C1orf167: variants seen among roughly 807,000 people sequenced by gnomAD.
C1orf167 encodes the protein chromosome 1 open reading frame 167, also known as uncharacterized protein C1orf167.
In C1orf167, 153 loss-of-function variants were observed where a neutral mutation model predicts 176.5. The observed-to-expected ratio is 0.87, with a 90% CI of 0.76 to 0.99. The LOEUF is 0.99. C1orf167 is among the 50% of genes least tolerant of loss of function. The pLI is 0.00. For missense variants in C1orf167, 1,490 were observed against 1,817.7 expected, an observed-to-expected ratio of 0.82 and a Z score of 3.28; for synonymous variants, 594 against 752.7, an observed-to-expected ratio of 0.79 and a Z score of 3.45.
Position 11,762,275 on chromosome 1 carries a change from G to A in C1orf167, c.-101G>A, listed in dbSNP as rs759357146. 3 of 414,994 alleles carry A rather than the reference G, an allele frequency of 7.2e-6. No homozygotes were observed. Among genetic ancestry groups the A allele is most frequent in the Non-Finnish European group, 1.5e-5 (3 of 203,896 alleles). 25.7% of individuals were successfully genotyped at this position (414,994 alleles called of 1,614,324 possible). A position where few individuals can be genotyped will look rare whatever the true frequency, so the allele number is the denominator to read the frequency against. On this transcript the variant is annotated 5_prime_UTR_variant, in exon 1 of 21. It adds an upstream start codon to the 5' untranslated region. Transcript: ENST00000688073. The stretch of plus-strand genomic sequence containing the variant: ...CCCGTCTAGATTCAAATCCGACTGG[G>A]TGAAGGAGGACCCGAGGAGGACCCA...
chr1:11,784,494 AG>A lies in C1orf167; in HGVS notation c.3328del (p.Ala1110GlnfsTer35), dbSNP rs746891429. ...QQQAGESAGA[Q>X]AAQCWTWCWA... Reference sequence around the variant, plus strand: ...CAGGCAGGAGAGAGCGCTGGGGCCCAGGCAGCCCAGTGCTGGACTTGGTGCT... The same window carrying A: ...CAGGCAGGAGAGAGCGCTGGGGCCCAGCAGCCCAGTGCTGGACTTGGTGCT... On this transcript the variant is annotated frameshift_variant, in exon 15 of 21. Transcript: ENST00000688073. LOFTEE classifies it high-confidence loss of function. 1.5e-6 allele frequency: 2 copies of A among 1,303,102 alleles called. No homozygotes were observed. Among genetic ancestry groups the A allele is most frequent in the South Asian group, 2.5e-5 (2 of 80,960 alleles). 80.7% of individuals were successfully genotyped at this position (1,303,102 alleles called of 1,614,324 possible). A position where few individuals can be genotyped will look rare whatever the true frequency, so the allele number is the denominator to read the frequency against.
chr1:11,781,368 A>T (rs920372607), intron 13 of C1orf167, among the ~76,000 whole-genome samples: 2 of 152,184 alleles, frequency 1.3e-5, no homozygotes, highest in African/African-American at 4.8e-5. Context: ...TGTCTGTTAA[A>T]AGCAAATTAG....
chr1:11,766,893 T>C lies in C1orf167; in HGVS notation c.1107T>C (p.Gly369=). The C allele has an allele frequency of 1.6e-6, 2 of 1,252,848 alleles. No individual in the cohort carries two copies. Among genetic ancestry groups the C allele is most frequent in the Non-Finnish European group, 2.1e-6 (2 of 969,004 alleles). The allele number at this position is 1,252,848 out of a possible 1,614,324, so 77.6% of individuals were successfully genotyped here. A position where few individuals can be genotyped will look rare whatever the true frequency, so the allele number is the denominator to read the frequency against. The stretch of plus-strand genomic sequence containing the variant: ...CTCAAGATGGCAGGGCACAGAGGGG[T>C]GACCCCAGTCTCCCTCGAGGGGTGG... ...PWSQDGRAQR[G]DPSLPRGVGS... The change falls in exon 3 of 21, where the codon GGT becomes GGC. Residue 369 remains glycine (G), a synonymous_variant. Coordinates refer to ENST00000688073, the MANE Select transcript of C1orf167 (RefSeq NM_001010881.2). This position sits in a 1 kb window ranked among gnomAD's most constrained non-coding sequence, Gnocchi z 4.5.
chr1:11,767,461 C>T (rs1174654741), intron 4 of C1orf167, among the ~76,000 whole-genome samples, 197 bp downstream of exon 4: 2 of 152,156 alleles, frequency 1.3e-5, no homozygotes, highest in Non-Finnish European at 2.9e-5. Flanking sequence ...AACGAAGGGA[C>T]TGATGCTCAT....
chr1:11,772,266 T>C lies in C1orf167; in HGVS notation c.1988+7T>C. On this transcript the variant is annotated splice_region_variant and intron_variant, in intron 8 of 20. Transcript: ENST00000688073. ...AGAGAGCTTGGCTGTGCAGGTAGGA[T>C]GCCCTTCCCTTTTTTTTGAGATGAG... 7.7e-7 allele frequency: 1 copy of C among 1,298,024 alleles called. No individual in the cohort carries two copies. Among genetic ancestry groups the C allele is most frequent in the Non-Finnish European group, 1.0e-6 (1 of 986,246 alleles). The allele number at this position is 1,298,024 out of a possible 1,614,324, so 80.4% of individuals were successfully genotyped here.
In C1orf167 at chr1:11,766,358, A is replaced by C. The variant is rs1304362003; in HGVS notation, c.572A>C (p.Asp191Ala). Residue 191 changes from aspartate to alanine, a missense_variant, in exon 3 of 21, where the codon GAT becomes GCT. Transcript: ENST00000688073. This position sits in a 1 kb window ranked among gnomAD's most constrained non-coding sequence, Gnocchi z 4.5. ...CCCACTGAAGCCTTTGCCCCTCTCG[A>C]TGGGCATACACAGCCAGGCCTCAGA... ...FRPTEAFAPL[D>A]GHTQPGLRSW... 2 of 1,272,068 alleles carry C rather than the reference A, an allele frequency of 1.6e-6. No homozygotes were observed. The highest frequency in any genetic ancestry group is 2.5e-5 in the Admixed American group (1 of 39,610). 78.8% of individuals were successfully genotyped at this position (1,272,068 alleles called of 1,614,324 possible). A position where few individuals can be genotyped will look rare whatever the true frequency, so the allele number is the denominator to read the frequency against.
In C1orf167 at chr1:11,776,496, G is replaced by T. The variant is rs75902420; in HGVS notation, c.2197G>T (p.Ala733Ser). The change falls in exon 10 of 21, where the codon GCC becomes TCC. Residue 733 changes from alanine to serine, a missense_variant. Coordinates refer to ENST00000688073, the MANE Select transcript of C1orf167 (RefSeq NM_001010881.2). ...GGCTGTCTACACCGCAGGCCCTGGA[G>T]CCTGTGGCCTGGGTGCAGTGGGCCA... ...REAVYTAGPG[A>S]CGLGAVGQAQ... is the part of the protein sequence containing the mutation. 1,362 of 1,301,722 alleles carry T rather than the reference G, an allele frequency of 1.0e-3. 16 individuals carry two copies. In the African/African-American group the frequency reaches 0.018, roughly 17 times the overall value. The allele number at this position is 1,301,722 out of a possible 1,614,324, so 80.6% of individuals were successfully genotyped here.
intron 1 of C1orf167, among the ~76,000 whole-genome samples, chr1:11,763,716 C>A (rs541939567): frequency 6.6e-6 from 1 of 152,096 alleles, no homozygotes; most frequent in Non-Finnish European, 1.5e-5. Flanking sequence ...ATCACCCTGC[C>A]GCCGCATGAA....
intron 2 of C1orf167, 70 bp downstream of exon 2, chr1:11,764,540 C>A: frequency 1.6e-6 from 2 of 1,233,070 alleles, no homozygotes; most frequent in Non-Finnish European, 2.1e-6. Context: ...GGCCCAGAGC[C>A]CCCCTCCCAG....
chr1:11,778,497 G>A, intron 10 of C1orf167, 163 bp from the exon 11 acceptor site: 1 of 509,212 alleles, frequency 2.0e-6, no homozygotes, highest in Non-Finnish European at 3.0e-6. Context: ...TGCAGCCGCT[G>A]TGGGGGGCAG....
In C1orf167 at chr1:11,775,526, C is replaced by T. The variant is rs1159723667; in HGVS notation, c.2080C>T (p.Leu694=). Residue 694 remains leucine, a synonymous_variant, in exon 9 of 21, where the codon CTG becomes TTG. Coordinates refer to ENST00000688073, the MANE Select transcript of C1orf167 (RefSeq NM_001010881.2). ...DRRTGTLRKC[L]EQWVRMKQLR... Reference sequence around the variant, plus strand: ...CCGGACGGGGACCCTGAGGAAATGCCTGGAACAGTGGGTGCGGATGAAGCA... The same window carrying T: ...CCGGACGGGGACCCTGAGGAAATGCTTGGAACAGTGGGTGCGGATGAAGCA... 7.7e-7 allele frequency: 1 copy of T among 1,304,244 alleles called. No individual in the cohort carries two copies. Among genetic ancestry groups the T allele is most frequent in the Non-Finnish European group, 1.0e-6 (1 of 988,938 alleles). 80.8% of individuals were successfully genotyped at this position (1,304,244 alleles called of 1,614,324 possible). A position where few individuals can be genotyped will look rare whatever the true frequency, so the allele number is the denominator to read the frequency against.
chr1:11,788,453 G>C, intron 19 of C1orf167, 75 bp downstream of exon 19: 1 of 1,225,842 alleles, frequency 8.2e-7, no homozygotes, highest in African/African-American at 1.6e-5. Context: ...CCTCTCAAAA[G>C]TATGGCCCTT....
intron 2 of C1orf167, among the ~76,000 whole-genome samples, chr1:11,764,777 G>A (rs905751201): frequency 2.0e-4 from 30 of 152,190 alleles, no homozygotes; most frequent in African/African-American, 7.0e-4. Context: ...ACAGAGGGCC[G>A]GGCGTGGTGG....
intron 3 of C1orf167, 40 bp from the exon 4 acceptor site, chr1:11,767,181 C>G: frequency 7.8e-7 from 1 of 1,289,104 alleles, no homozygotes; most frequent in South Asian, 1.2e-5. Flanking sequence ...CTGCCTGCTG[C>G]TTGGCCTGAG....
chr1:11,768,334 G>C lies in C1orf167; in HGVS notation c.1542+59G>C. ...GTGAAGCAGTGGTGTGTCTGGGGAG[G>C]AGACTCAGTCTACGGAGAGGACACC... On this transcript the variant is annotated intron_variant, in intron 5 of 20. Coordinates refer to ENST00000688073, the MANE Select transcript of C1orf167 (RefSeq NM_001010881.2). The surrounding 1 kb of genome is among the most constrained non-coding windows in gnomAD (Gnocchi z 4.5). The C allele has an allele frequency of 7.9e-7, 1 of 1,265,228 alleles. No individual in the cohort carries two copies. The highest frequency in any genetic ancestry group is 1.0e-6 in the Non-Finnish European group (1 of 969,476). 78.4% of individuals were successfully genotyped at this position (1,265,228 alleles called of 1,614,324 possible).
In C1orf167 at chr1:11,766,716, G is replaced by C; in HGVS notation, c.930G>C (p.Glu310Asp). The C allele has an allele frequency of 7.8e-7, 1 of 1,289,786 alleles. No homozygotes were observed. Among genetic ancestry groups the C allele is most frequent in the Non-Finnish European group, 1.0e-6 (1 of 988,862 alleles). 79.9% of individuals were successfully genotyped at this position (1,289,786 alleles called of 1,614,324 possible). A position where few individuals can be genotyped will look rare whatever the true frequency, so the allele number is the denominator to read the frequency against. The change falls in exon 3 of 21, where the codon GAG becomes GAC. Residue 310 changes from glutamate to aspartate, a missense_variant. Coordinates refer to ENST00000688073, the MANE Select transcript of C1orf167 (RefSeq NM_001010881.2). The surrounding 1 kb of genome is among the most constrained non-coding windows in gnomAD (Gnocchi z 4.5). The stretch of plus-strand genomic sequence containing the variant: ...ACAGGGAAACTGCGGCTTTCTTGGA[G>C]ACCCCGGCTAGTCTCTCAGACTCTT... ...RGHRETAAFLETPASLSDSWA... is the reference protein window; with the variant it reads ...RGHRETAAFLDTPASLSDSWA...
At chr1:11,770,065 A>G (rs1016997973) in intron 6 of C1orf167, among the ~76,000 whole-genome samples, 2 of 152,032 alleles carry the variant, frequency 1.3e-5, no homozygotes, top group African/African-American at 4.8e-5. Context: ...TGAAAGCTTC[A>G]TCCTTTCATA....
In C1orf167 at chr1:11,784,396, G is replaced by C; in HGVS notation, c.3228G>C (p.Gln1076His). The C allele has an allele frequency of 1.5e-6, 2 of 1,299,330 alleles. No individual in the cohort carries two copies. The highest frequency in any genetic ancestry group is 2.0e-6 in the Non-Finnish European group (2 of 984,804). The allele number at this position is 1,299,330 out of a possible 1,614,324, so 80.5% of individuals were successfully genotyped here. A position where few individuals can be genotyped will look rare whatever the true frequency, so the allele number is the denominator to read the frequency against. Reference protein sequence around the residue: ...CGQQGQEDGQQKKARAPQAFP... With the variant: ...CGQQGQEDGQHKKARAPQAFP... The stretch of plus-strand genomic sequence containing the variant: ...AGCAAGGCCAGGAAGATGGGCAGCA[G>C]AAGAAGGCCCGGGCCCCACAGGCCT... The change falls in exon 15 of 21, where the codon CAG becomes CAC. Residue 1076 changes from glutamine (Q) to histidine (H), a missense_variant. Gln to His is a conservative substitution (Grantham distance 24). Coordinates refer to ENST00000688073, the MANE Select transcript of C1orf167 (RefSeq NM_001010881.2).
chr1:11,785,194 C>T lies in C1orf167; in HGVS notation c.3472C>T (p.Arg1158Ter), dbSNP rs1420461292. 3.9e-6 allele frequency: 5 copies of T among 1,291,708 alleles called. No homozygotes were observed. The highest frequency in any genetic ancestry group is 2.5e-5 in the South Asian group (2 of 80,996). 80.0% of individuals were successfully genotyped at this position (1,291,708 alleles called of 1,614,324 possible). The change falls in exon 16 of 21, where the codon CGA (arginine) becomes TGA (stop). Residue 1158 changes from arginine to a stop codon, truncating the protein, a stop_gained. Coordinates refer to ENST00000688073, the MANE Select transcript of C1orf167 (RefSeq NM_001010881.2). LOFTEE classifies it high-confidence loss of function. ...VQSAVRGGVQ[R>*]AILTQLRPAE... is the part of the protein sequence containing the mutation. ...GTCGGCGGTGCGCGGCGGTGTCCAG[C>T]GAGCCATCCTCACCCAGCTCCGGCC...
Sources: allele counts gnomAD v4.1 joint callset (sites outside exome capture counted in the v4.1 genomes callset), GRCh38; gene constraint gnomAD v4.1.1; non-coding constraint Gnocchi (gnomAD v3.1); transcripts MANE v1.5; gene names NCBI Gene and HGNC (gene_info 2026-07-23, HGNC 2026-07-21).